ESRRB: variants seen among roughly 807,000 people sequenced by gnomAD.
ESRRB encodes the protein estrogen related receptor beta, also known as steroid hormone receptor ERR2.
Under a neutral mutation model 46.0 loss-of-function variants are expected in ESRRB, and 16 were observed. The observed-to-expected ratio is 0.35, with a 90% confidence interval of 0.24 to 0.53. The LOEUF (loss-of-function observed/expected upper bound fraction) is 0.53. Ranked by LOEUF, ESRRB falls within the 20% of genes least tolerant of loss-of-function variation. The probability of loss-of-function intolerance (pLI) is 0.93; values close to 1 mark genes in which losing one functional copy is unlikely to be tolerated. For synonymous variants in ESRRB, 246 were observed against 259.6 expected (o/e 0.95, Z 0.50); for missense variants, 488 against 607.4 (o/e 0.80, Z 2.07).
intron 2 of ESRRB, among the ~76,000 whole-genome samples, chr14:76,450,142 AGG>A (rs11318009): frequency 6.7e-6 from 1 of 150,244 alleles, no homozygotes; most frequent in Admixed American, 6.7e-5. Context: ...TGACTGAGAA[AGG>A]GGGGGGGTCT....
In ESRRB at chr14:76,493,490, A is replaced by G. The variant is rs182073785; in HGVS notation, c.1120+1774A>G. On this transcript the variant is annotated intron_variant, in intron 6 of 6. Transcript: ENST00000644823. Reference sequence around the variant, plus strand: ...TTGTGAGTATTAAAGATTGACTGACAATAAAGCACTCAGCCTGGTGCCTGG... The same window carrying G: ...TTGTGAGTATTAAAGATTGACTGACGATAAAGCACTCAGCCTGGTGCCTGG... Among the ~76,000 whole-genome samples, 3 of 152,218 alleles carry G rather than the reference A, an allele frequency of 2.0e-5. No homozygotes were observed. In the South Asian group the frequency reaches 6.2e-4, roughly 32 times the overall value.
At chr14:76,483,229 C>T (rs143056889) in intron 5 of ESRRB, among the ~76,000 whole-genome samples, 2 of 152,336 alleles carry the variant, frequency 1.3e-5, no homozygotes, top group South Asian at 2.1e-4. Context: ...CTGCAGCTTA[C>T]TAGCTGAGTA....
At chr14:76,336,643 C>G (rs1177228104) in intron 1 of ESRRB, among the ~76,000 whole-genome samples, 3 of 152,156 alleles carry the variant, frequency 2.0e-5, no homozygotes, top group Non-Finnish European at 4.4e-5. Flanking sequence ...TCCCCAGGAT[C>G]CCCAGGGCAA....
upstream of ESRRB, among the ~76,000 whole-genome samples, chr14:76,366,938 C>T (rs1393871755): frequency 6.6e-6 from 1 of 151,996 alleles, no homozygotes; most frequent in Non-Finnish European, 1.5e-5. Context: ...CACTGTGTGC[C>T]CCCTTCCTAA....
chr14:76,341,099 C>T (rs958653061), intron 1 of ESRRB, among the ~76,000 whole-genome samples: 4 of 152,178 alleles, frequency 2.6e-5, no homozygotes, highest in Non-Finnish European at 5.9e-5. Context: ...CTGTGTGCTC[C>T]AGCCTCCTGC....
intron 1 of ESRRB, among the ~76,000 whole-genome samples, chr14:76,393,532 T>C (rs1289174099): frequency 6.6e-6 from 1 of 152,226 alleles, no homozygotes; most frequent in African/African-American, 2.4e-5. Context: ...GAAATACCTT[T>C]ACTGCAAAGA....
intron 1 of ESRRB, among the ~76,000 whole-genome samples, chr14:76,334,378 C>T (rs954056890): frequency 6.6e-6 from 1 of 152,134 alleles, no homozygotes; most frequent in Admixed American, 6.5e-5. Context: ...GGATGGGGTA[C>T]GAATCCTGGG....
intron 1 of ESRRB, among the ~76,000 whole-genome samples, chr14:76,417,933 G>A (rs1886774244): frequency 6.7e-6 from 1 of 149,808 alleles, no homozygotes; most frequent in African/African-American, 2.5e-5. Flanking sequence ...GCCAGGTGGG[G>A]CTTTTACATA....
rs375410324 is a variant in ESRRB, at chr14:76,404,818, C to A, written c.50+28367C>A. ...TAACTCAGAGATGATAAATAGGGCA[C>A]GGTAATCAGATCAGTATTTTGTTGT... is the stretch of plus-strand genomic sequence containing the variant. On this transcript the variant is annotated intron_variant, in intron 1 of 6. Coordinates refer to ENST00000644823, the MANE Select transcript of ESRRB (RefSeq NM_001379180.1). Among the ~76,000 whole-genome samples, 11 of 152,246 alleles carry A rather than the reference C, an allele frequency of 7.2e-5. No individual in the cohort carries two copies. In the South Asian group the frequency reaches 2.3e-3, roughly 32 times the overall value.
In ESRRB at chr14:76,500,284, T is replaced by A. The variant is rs1212650866; in HGVS notation, c.*1826T>A. On this transcript the variant is annotated 3_prime_UTR_variant, in exon 7 of 7. Coordinates refer to ENST00000644823, the MANE Select transcript of ESRRB (RefSeq NM_001379180.1). ...AGAGCCCTCCCAGACCAGTGATGTG[T>A]CCCTCCGGCTCCCCTTGCCTGTGGG... 18 of 597,030 alleles carry A rather than the reference T, an allele frequency of 3.0e-5. No homozygotes were observed. In the Admixed American group the frequency reaches 5.3e-4, roughly 18 times the overall value. The allele number at this position is 597,030 out of a possible 1,614,324, so 37.0% of individuals were successfully genotyped here.
At chr14:76,362,417 A>G (rs1387433142) in intron 1 of ESRRB, among the ~76,000 whole-genome samples, 3 of 152,204 alleles carry the variant, frequency 2.0e-5, no homozygotes, top group Non-Finnish European at 2.9e-5. Context: ...TCAGTGTATC[A>G]TGATGCTGTT....
At chr14:76,315,339 C>G (rs150080571) in intron 1 of ESRRB, among the ~76,000 whole-genome samples, 1 of 152,260 alleles carries the variant, frequency 6.6e-6, no homozygotes, top group African/African-American at 2.4e-5. Context: ...CTTCATTTCT[C>G]TTTGTTAGCC....
At chr14:76,320,953 A>G (rs572804208) in intron 1 of ESRRB, among the ~76,000 whole-genome samples, 1 of 152,232 alleles carries the variant, frequency 6.6e-6, no homozygotes, top group African/African-American at 2.4e-5. Context: ...AAGATATTAC[A>G]TTTGGAGACT....
chr14:76,394,960 G>A (rs1370880326), intron 1 of ESRRB, among the ~76,000 whole-genome samples: 1 of 152,208 alleles, frequency 6.6e-6, no homozygotes, highest in Non-Finnish European at 1.5e-5. Flanking sequence ...TAGGAGGGAA[G>A]ATGAGCTGGC....
chr14:76,424,864 G>T (rs1289120219), intron 1 of ESRRB, among the ~76,000 whole-genome samples: 2 of 152,152 alleles, frequency 1.3e-5, no homozygotes, highest in African/African-American at 2.4e-5. Flanking sequence ...TGCCTCTGAA[G>T]TAGCTGGGAT....
At position 76,498,338 on chromosome 14, in the gene ESRRB, G is replaced by A. The variant is rs1456658955; in HGVS notation, c.1245G>A (p.Leu415=). ...CCTGGAGGACGGGCAAGCTGCTGCT[G>A]ACACTGCCGCTGCTGCGGCAGACGG... ...EEPWRTGKLL[L]TLPLLRQTAA... The change falls in exon 7 of 7, where the codon CTG becomes CTA. Residue 415 remains leucine, a synonymous_variant. Coordinates refer to ENST00000644823, the MANE Select transcript of ESRRB (RefSeq NM_001379180.1). 1.9e-6 allele frequency: 3 copies of A among 1,609,162 alleles called. No homozygotes were observed. Among genetic ancestry groups the A allele is most frequent in the Non-Finnish European group, 2.5e-6 (3 of 1,178,502 alleles).
chr14:76,390,816 C>A (rs1885438627), intron 1 of ESRRB, among the ~76,000 whole-genome samples: 1 of 152,114 alleles, frequency 6.6e-6, no homozygotes, highest in Non-Finnish European at 1.5e-5. Flanking sequence ...GCCTCCAGGC[C>A]ATGAGAGGAT....
chr14:76,425,280 A>C (rs1442250976), intron 1 of ESRRB, among the ~76,000 whole-genome samples: 2 of 152,180 alleles, frequency 1.3e-5, no homozygotes, highest in Non-Finnish European at 2.9e-5. Flanking sequence ...TACTTTTCAC[A>C]AAAAAACCTT....
intron 1 of ESRRB, among the ~76,000 whole-genome samples, chr14:76,361,783 G>A (rs80026456): frequency 1.3e-5 from 2 of 152,182 alleles, no homozygotes; most frequent in Non-Finnish European, 2.9e-5. Flanking sequence ...TCTATGGCTC[G>A]CCATGATGGA....
Sources: gnomAD v4.1 joint callset for allele counts (sites outside exome capture counted in the v4.1 genomes callset) on GRCh38, gnomAD v4.1.1 for gene constraint, MANE v1.5 for transcripts, NCBI Gene and HGNC (gene_info 2026-07-23, HGNC 2026-07-21) for gene names.